The following ZNF469 variants were observed in gnomAD, a reference collection of about 807,000 sequenced individuals.
The protein encoded by ZNF469 is zinc finger protein 469.
In ZNF469, 1 loss-of-function variant was observed where a neutral mutation model predicts 1.0. The observed-to-expected ratio is 1.00, with a 90% CI of 0.35 to 4.73. The LOEUF is 4.73. Ranked by LOEUF, ZNF469 falls within the 30% of genes most tolerant of loss-of-function variation. ZNF469 has a pLI of 0.16. For synonymous variants in ZNF469, 2,703 were observed against 2,363.4 expected (o/e 1.14, Z -4.17); for missense variants, 6,100 against 5,356.3 (o/e 1.14, Z -4.33).
chr16:88,224,960 G>A, the ZNF469 span, among the ~76,000 whole-genome samples: 1 of 152,204 alleles, frequency 6.6e-6, no homozygotes, highest in African/African-American at 2.4e-5. Flanking sequence ...GCCCCATGGT[G>A]GGATGGTGGG....
the ZNF469 span, among the ~76,000 whole-genome samples, chr16:88,282,589 G>C: frequency 6.6e-6 from 1 of 152,160 alleles, no homozygotes; most frequent in Non-Finnish European, 1.5e-5. Flanking sequence ...ATAAGAGCTG[G>C]GGGATGTCGC....
chr16:88,359,369 A>G, the ZNF469 span, among the ~76,000 whole-genome samples: 1 of 135,662 alleles, frequency 7.4e-6, no homozygotes, highest in Admixed American at 7.2e-5. Flanking sequence ...GGTATCCTGC[A>G]CGCATTTGCT....
In ZNF469 at chr16:88,431,839, C is replaced by T. The variant is rs1024915751; in HGVS notation, c.4369C>T (p.Pro1457Ser). The T allele has an allele frequency of 1.3e-6, 2 of 1,549,900 alleles. No individual in the cohort carries two copies. The highest frequency in any genetic ancestry group is 2.4e-5 in the South Asian group (2 of 84,064). ...PPTLESSSLFPDLPVDRFDPP... is the reference protein window; with the variant it reads ...PPTLESSSLFSDLPVDRFDPP... ...GACCTTGGAGTCCTCATCCCTCTTC[C>T]CAGACCTGCCGGTGGACAGATTCGA... The change falls in exon 3 of 3, where the codon CCA becomes TCA. Residue 1457 changes from proline to serine, a missense_variant. By Grantham distance (74) the Pro-to-Ser change is moderately conservative. Coordinates refer to ENST00000565624, the MANE Select transcript of ZNF469 (RefSeq NM_001367624.2).
chr16:88,115,696 C>G, the ZNF469 span, among the ~76,000 whole-genome samples: 1 of 95,824 alleles, frequency 1.0e-5, no homozygotes, highest in Admixed American at 1.2e-4. Context: ...CATCTGTACT[C>G]CCTCTGGGGG....
At chr16:88,179,681 G>A in the ZNF469 span, among the ~76,000 whole-genome samples, 1 of 152,206 alleles carries the variant, frequency 6.6e-6, no homozygotes, top group Admixed American at 6.5e-5. Flanking sequence ...CCCATACAGA[G>A]TTTGAGAACC....
chr16:88,315,676 G>A, the ZNF469 span, among the ~76,000 whole-genome samples: 4 of 152,206 alleles, frequency 2.6e-5, no homozygotes, highest in East Asian at 7.7e-4. Context: ...TGCCTGTGCA[G>A]AAGGTGGGGG....
the ZNF469 span, among the ~76,000 whole-genome samples, chr16:88,200,432 C>T: frequency 2.0e-5 from 3 of 152,202 alleles, no homozygotes; most frequent in African/African-American, 4.8e-5. Flanking sequence ...CAGAAGGGAC[C>T]GCACCTGCCC....
At chr16:88,231,444 G>A in the ZNF469 span, among the ~76,000 whole-genome samples, 3 of 152,222 alleles carry the variant, frequency 2.0e-5, no homozygotes, top group South Asian at 4.1e-4. This position sits in a 1 kb window ranked among gnomAD's most constrained non-coding sequence, Gnocchi z 4.5. Flanking sequence ...ACGGGGCTGC[G>A]ACGAGATGAC....
At chr16:88,395,980 C>G (rs1267859328) in intron 1 of ZNF469, among the ~76,000 whole-genome samples, 1 of 152,248 alleles carries the variant, frequency 6.6e-6, no homozygotes, top group Non-Finnish European at 1.5e-5. Flanking sequence ...GTGACGCCCT[C>G]CCAGCCATGT....
At chr16:88,382,845 C>T (rs2092528658), upstream of ZNF469, among the ~76,000 whole-genome samples, 1 of 151,922 alleles carries the variant, frequency 6.6e-6, no homozygotes, top group Non-Finnish European at 1.5e-5. Context: ...CCCCCCATCG[C>T]CGGGGTGGGT....
At chr16:88,236,885 A>T in the ZNF469 span, among the ~76,000 whole-genome samples, 2 of 152,236 alleles carry the variant, frequency 1.3e-5, no homozygotes, top group African/African-American at 4.8e-5. Context: ...TGGTTCACAG[A>T]CTTAAAAGAA....
the ZNF469 span, among the ~76,000 whole-genome samples, chr16:88,181,133 C>T: frequency 2.0e-5 from 3 of 150,804 alleles, no homozygotes; most frequent in South Asian, 2.1e-4. Context: ...TGCAGTGGCA[C>T]GATTTCAGCT....
the ZNF469 span, among the ~76,000 whole-genome samples, chr16:88,229,391 C>G: frequency 3.3e-5 from 5 of 152,192 alleles, no homozygotes; most frequent in African/African-American, 1.2e-4. Flanking sequence ...CCTGGGAGGA[C>G]TTAACGATGA....
the ZNF469 span, among the ~76,000 whole-genome samples, chr16:88,233,273 G>T: frequency 6.6e-6 from 1 of 152,208 alleles, no homozygotes; most frequent in African/African-American, 2.4e-5. Context: ...CCTCGTTTCT[G>T]CTTCTGTTTT....
chr16:88,411,380 G>C (rs1330214864), intron 1 of ZNF469, among the ~76,000 whole-genome samples: 1 of 152,196 alleles, frequency 6.6e-6, no homozygotes, highest in Non-Finnish European at 1.5e-5. Context: ...TGGCGGGCAG[G>C]GGTGGTGGGG....
At chr16:88,380,058 CAT>C (rs1373115273), upstream of ZNF469, among the ~76,000 whole-genome samples, 1 of 151,926 alleles carries the variant, frequency 6.6e-6, no homozygotes, top group Non-Finnish European at 1.5e-5. Context: ...CACACACACA[CAT>C]ACTCACACAC....
At chr16:88,359,847 A>G in the ZNF469 span, among the ~76,000 whole-genome samples, 2 of 152,250 alleles carry the variant, frequency 1.3e-5, no homozygotes, top group African/African-American at 4.8e-5. Flanking sequence ...TGTAGAATTA[A>G]CATTGAATAG....
chr16:88,316,569 CAG>C, the ZNF469 span, among the ~76,000 whole-genome samples: 2 of 28,668 alleles, frequency 7.0e-5, no homozygotes, highest in African/African-American at 2.8e-4. Flanking sequence ...TTTTTTGAGA[CAG>C]AGTCTCGTTC....
the ZNF469 span, among the ~76,000 whole-genome samples, chr16:88,166,673 T>C: frequency 6.6e-6 from 1 of 151,876 alleles, no homozygotes; most frequent in African/African-American, 2.4e-5. This position sits in a 1 kb window ranked among gnomAD's most constrained non-coding sequence, Gnocchi z 4.5. Context: ...CGCCCATCGA[T>C]AGCGCCACTG....
Sources: allele counts gnomAD v4.1 joint callset (sites outside exome capture counted in the v4.1 genomes callset), GRCh38; gene constraint gnomAD v4.1.1; non-coding constraint Gnocchi (gnomAD v3.1); transcripts MANE v1.5; gene names NCBI Gene and HGNC (gene_info 2026-07-23, HGNC 2026-07-21).